ANO2: variants seen among roughly 807,000 people sequenced by gnomAD.
The protein encoded by ANO2 is anoctamin 2, also known as anoctamin-2.
Under a neutral mutation model 124.2 loss-of-function variants are expected in ANO2, and 101 were observed. That is an observed-to-expected ratio of 0.81 (90% CI 0.69 to 0.96). The LOEUF is 0.96. ANO2 is among the 40% of genes least tolerant of loss of function. The pLI, the probability that ANO2 is intolerant of heterozygous loss-of-function variation, is 0.00. For missense variants in ANO2, 1,293 were observed against 1,274.5 expected (o/e 1.01, Z -0.22); for synonymous variants, 486 against 482.5 (o/e 1.01, Z -0.09).
intron 14 of ANO2, among the ~76,000 whole-genome samples, chr12:5,722,019 T>G (rs1950253600): frequency 6.6e-6 from 1 of 152,242 alleles, no homozygotes; most frequent in Non-Finnish European, 1.5e-5. Flanking sequence ...TAAACAATAA[T>G]AATTTATTTC....
At chr12:5,600,275 C>A (rs1293882503) in intron 19 of ANO2, among the ~76,000 whole-genome samples, 1 of 152,154 alleles carries the variant, frequency 6.6e-6, no homozygotes, top group Non-Finnish European at 1.5e-5. Flanking sequence ...ATCTCAAGAC[C>A]ATCTGAGGAC....
Position 5,635,044 on chromosome 12 carries a change from A to G in ANO2, c.1816+108T>C. On this transcript the variant is annotated intron_variant, in intron 16 of 24. Transcript: ENST00000682330. The surrounding 1 kb of genome is among the most constrained non-coding windows in gnomAD (Gnocchi z 5.2). The stretch of plus-strand genomic sequence containing the variant: ...CATTTCTCTAATTAAAATGCACTGT[A>G]CAAAGCATCCTGTCCCTGTCCCATT... 9.6e-7 allele frequency: 1 copy of G among 1,041,904 alleles called. No homozygotes were observed. The highest frequency in any genetic ancestry group is 1.3e-6 in the Non-Finnish European group (1 of 746,556). The allele number at this position is 1,041,904 out of a possible 1,614,324, so 64.5% of individuals were successfully genotyped here. A position where few individuals can be genotyped will look rare whatever the true frequency, so the allele number is the denominator to read the frequency against.
chr12:5,664,469 T>C (rs1440351765), intron 14 of ANO2, among the ~76,000 whole-genome samples: 1 of 152,238 alleles, frequency 6.6e-6, no homozygotes, highest in Non-Finnish European at 1.5e-5. Context: ...TAAGGATTCT[T>C]TACTTATCTG....
intron 14 of ANO2, among the ~76,000 whole-genome samples, chr12:5,682,812 G>GTTC (rs1948554630): frequency 6.6e-6 from 1 of 152,226 alleles, no homozygotes; most frequent in African/African-American, 2.4e-5. Flanking sequence ...AACCTTTAAG[G>GTTC]AGCTAACCAT....
At chr12:5,580,608 G>T (rs970319898) in intron 20 of ANO2, among the ~76,000 whole-genome samples, 1 of 152,170 alleles carries the variant, frequency 6.6e-6, no homozygotes. Context: ...GACAAGCTTC[G>T]TGAGTCTAGA....
chr12:5,650,159 ACTGAGGACACG>A (rs1229837094), intron 14 of ANO2, among the ~76,000 whole-genome samples: 1 of 152,150 alleles, frequency 6.6e-6, no homozygotes, highest in Non-Finnish European at 1.5e-5. Context: ...TGTGCTAGAT[ACTGAGGACACG>A]CTGAGGAGAA....
intron 20 of ANO2, among the ~76,000 whole-genome samples, chr12:5,598,866 C>T (rs1422903071): frequency 6.6e-6 from 1 of 152,194 alleles, no homozygotes; most frequent in East Asian, 1.9e-4. Context: ...TGTGTTCCAT[C>T]AGCCTGTACT....
At chr12:5,914,069 G>GCA (rs1565774454) in intron 3 of ANO2, among the ~76,000 whole-genome samples, 4 of 152,098 alleles carry the variant, frequency 2.6e-5, no homozygotes, top group Admixed American at 1.3e-4. Context: ...GCATGGTGTT[G>GCA]TGCACCTGTA....
intron 4 of ANO2, among the ~76,000 whole-genome samples, chr12:5,847,696 A>G (rs995006746): frequency 6.6e-6 from 1 of 152,124 alleles, no homozygotes; most frequent in East Asian, 1.9e-4. Flanking sequence ...ACAATTTCCA[A>G]TCATTTCCAA....
Position 5,861,920 on chromosome 12 carries a change from C to G in ANO2, c.535-7779G>C, listed in dbSNP as rs180996381. ...AGGAGAGTGAGGTGTAGCCTTGAGACAGAGGGCTTTTGAAATAAGAGCAGG... is the reference window on the plus strand; with the variant it reads ...AGGAGAGTGAGGTGTAGCCTTGAGAGAGAGGGCTTTTGAAATAAGAGCAGG... On this transcript the variant is annotated intron_variant, in intron 3 of 24. Transcript: ENST00000682330. 6.1e-4 allele frequency among the ~76,000 whole-genome samples: 93 copies of G among 152,274 alleles called. 2 individuals are homozygous for G. The highest frequency in any genetic ancestry group is 5.4e-3 in the South Asian group (26 of 4,824).
chr12:5,815,435 G>A (rs984266293), intron 7 of ANO2, among the ~76,000 whole-genome samples: 9 of 152,150 alleles, frequency 5.9e-5, no homozygotes, highest in African/African-American at 2.2e-4. Context: ...GAATAATCCA[G>A]AAAATTTGTC....
intron 14 of ANO2, among the ~76,000 whole-genome samples, chr12:5,694,697 G>C (rs1037297041): frequency 6.6e-6 from 1 of 152,166 alleles, no homozygotes; most frequent in Non-Finnish European, 1.5e-5. Flanking sequence ...CTGGAAGTTT[G>C]CAGTGGAGCA....
rs878882219 is a variant in ANO2 at position 5,575,711 on chromosome 12, G to A, written c.2621+123C>T. On this transcript the variant is annotated intron_variant, in intron 23 of 24. Transcript: ENST00000682330. ...ATCTTACGGGACAATCGCCATATAT[G>A]TGGTCTGCTGTTGTCCAAAACATCA... is the stretch of plus-strand genomic sequence containing the variant. 9.3e-6 allele frequency: 10 copies of A among 1,071,324 alleles called. No homozygotes were observed. In the Middle Eastern group the frequency reaches 6.3e-4, roughly 68 times the overall value. The allele number at this position is 1,071,324 out of a possible 1,614,324, so 66.4% of individuals were successfully genotyped here.
intron 14 of ANO2, among the ~76,000 whole-genome samples, chr12:5,680,483 A>C (rs976616098): frequency 2.0e-5 from 3 of 152,218 alleles, no homozygotes; most frequent in Non-Finnish European, 4.4e-5. Flanking sequence ...AAGATACTCA[A>C]GCAAGGCAGA....
chr12:5,652,314 T>A (rs953180603), intron 14 of ANO2, among the ~76,000 whole-genome samples: 7 of 152,132 alleles, frequency 4.6e-5, no homozygotes, highest in Non-Finnish European at 1.0e-4. Context: ...TCAAAGGAGT[T>A]CCCATATACC....
chr12:5,819,109 T>C lies in ANO2; in HGVS notation c.892+8660A>G, dbSNP rs115697205. On this transcript the variant is annotated intron_variant, in intron 7 of 24. Transcript: ENST00000682330. Reference sequence around the variant, plus strand: ...GTATCTACTGTTAAAGTCAGGGCATTGATTGCAAAAGAATGAGATGCAACA... The same window carrying C: ...GTATCTACTGTTAAAGTCAGGGCATCGATTGCAAAAGAATGAGATGCAACA... Among the ~76,000 whole-genome samples, 804 of 152,272 alleles carry C rather than the reference T, an allele frequency of 5.3e-3. 10 individuals carry two copies. The highest frequency in any genetic ancestry group is 0.019 in the African/African-American group (776 of 41,548).
rs114830896 is a variant in ANO2, at chr12:5,873,721, G to A, written c.535-19580C>T. 4.6e-3 allele frequency among the ~76,000 whole-genome samples: 697 copies of A among 152,350 alleles called. 8 individuals carry two copies. The highest frequency in any genetic ancestry group is 0.016 in the African/African-American group (662 of 41,586). Reference sequence around the variant, plus strand: ...ATGGCACCCCGACTGAATCCTCCCTGAGCTAATGGGGCTGCTTGGGAGACA... The same window carrying A: ...ATGGCACCCCGACTGAATCCTCCCTAAGCTAATGGGGCTGCTTGGGAGACA... On this transcript the variant is annotated intron_variant, in intron 3 of 24. Coordinates refer to ENST00000682330, the MANE Select transcript of ANO2 (RefSeq NM_001364791.2).
chr12:5,768,135 T>C (rs1951954862), intron 10 of ANO2, among the ~76,000 whole-genome samples: 1 of 152,220 alleles, frequency 6.6e-6, no homozygotes, highest in Admixed American at 6.5e-5. Flanking sequence ...AAGGGTGTTC[T>C]CTTGCAAACA....
At chr12:5,934,984 T>C (rs1463414731) in intron 1 of ANO2, among the ~76,000 whole-genome samples, 1 of 152,184 alleles carries the variant, frequency 6.6e-6, no homozygotes, top group African/African-American at 2.4e-5. Flanking sequence ...CTGAGGACTT[T>C]GGAACTGGGT....
Sources: gnomAD v4.1 joint callset for allele counts (sites outside exome capture counted in the v4.1 genomes callset) on GRCh38, gnomAD v4.1.1 for gene constraint, Gnocchi (gnomAD v3.1) non-coding constraint, MANE v1.5 for transcripts, NCBI Gene and HGNC (gene_info 2026-07-23, HGNC 2026-07-21) for gene names.